Variants in SLC1A1 observed in about 807,000 individuals in gnomAD.
SLC1A1 encodes the protein excitatory amino acid transporter 3.
In SLC1A1, 43 loss-of-function variants were observed where a neutral mutation model predicts 53.3. The ratio of observed to expected loss-of-function variants is 0.81; its 90% CI spans 0.63 to 1.04. SLC1A1 has a LOEUF of 1.04. SLC1A1 is among the 50% of genes least tolerant of loss of function. The pLI is 0.00. For synonymous variants in SLC1A1, 307 were observed against 243.2 expected, an observed-to-expected ratio of 1.26 and a Z score of -2.44; for missense variants, 748 against 664.9, an observed-to-expected ratio of 1.12 and a Z score of -1.37.
At chr9:4,577,094 T>A (rs1426947303) in intron 10 of SLC1A1, among the ~76,000 whole-genome samples, 1 of 152,144 alleles carries the variant, frequency 6.6e-6, no homozygotes, top group Non-Finnish European at 1.5e-5. Context: ...AAATGAATGC[T>A]GAAGACCATG....
rs895661302 is a variant in SLC1A1, at chr9:4,503,605, G to C, written c.91+12835G>C. Among the ~76,000 whole-genome samples the C allele has an allele frequency of 1.5e-4, 23 of 151,840 alleles. 1 individual carries two copies. The highest frequency in any genetic ancestry group is 3.7e-4 in the African/African-American group (15 of 41,088). ...TTTCTGGGCTTGAAGACTGGAACGAGCAAGTCTGTATAAAGGTGATGATAC... is the reference window on the plus strand; with the variant it reads ...TTTCTGGGCTTGAAGACTGGAACGACCAAGTCTGTATAAAGGTGATGATAC... On this transcript the variant is annotated intron_variant, in intron 1 of 11. Coordinates refer to ENST00000262352, the MANE Select transcript of SLC1A1 (RefSeq NM_004170.6).
chr9:4,525,005 G>T (rs767412146), intron 1 of SLC1A1, among the ~76,000 whole-genome samples: 22 of 152,252 alleles, frequency 1.4e-4, no homozygotes, highest in Non-Finnish European at 2.9e-4. Flanking sequence ...CATGAGTTTT[G>T]CTGAGGACAA....
chr9:4,503,569 G>A (rs1428916907), intron 1 of SLC1A1, among the ~76,000 whole-genome samples: 1 of 151,790 alleles, frequency 6.6e-6, no homozygotes, highest in Non-Finnish European at 1.5e-5. Flanking sequence ...CCTTGAGCAG[G>A]TGTGGTAGGA....
At chr9:4,560,366 C>T (rs1311213240) in intron 2 of SLC1A1, among the ~76,000 whole-genome samples, 2 of 152,110 alleles carry the variant, frequency 1.3e-5, no homozygotes, top group Non-Finnish European at 2.9e-5. Context: ...TTAAAATTAT[C>T]CTCAGGGTGA....
At chr9:4,562,692 T>G (rs1819071860) in intron 3 of SLC1A1, among the ~76,000 whole-genome samples, 1 of 152,086 alleles carries the variant, frequency 6.6e-6, no homozygotes, top group Admixed American at 6.5e-5. Flanking sequence ...CTTGCAATAG[T>G]TTACTGAGAA....
chr9:4,512,292 T>A (rs1331203050), intron 1 of SLC1A1, among the ~76,000 whole-genome samples: 1 of 152,126 alleles, frequency 6.6e-6, no homozygotes, highest in Non-Finnish European at 1.5e-5. Flanking sequence ...GTGGGCAGAT[T>A]GCTTGAGCTC....
chr9:4,565,443 G>A (rs1218460372), intron 4 of SLC1A1, among the ~76,000 whole-genome samples: 2 of 152,160 alleles, frequency 1.3e-5, no homozygotes, highest in Non-Finnish European at 2.9e-5. Context: ...GGCTGGGGAG[G>A]CCTCAAGAAA....
intron 1 of SLC1A1, among the ~76,000 whole-genome samples, chr9:4,518,091 C>A (rs1262745801): frequency 4.0e-5 from 6 of 151,516 alleles, no homozygotes; most frequent in African/African-American, 7.3e-5. Context: ...AAAAACTTAG[C>A]CAAGCATGGT....
chr9:4,520,425 C>A (rs188931815), intron 1 of SLC1A1, among the ~76,000 whole-genome samples: 1 of 151,934 alleles, frequency 6.6e-6, no homozygotes, highest in African/African-American at 2.4e-5. Context: ...CTTTTTTCCC[C>A]GTTTTAAAAA....
At chr9:4,576,337 G>T (rs933193721) in intron 9 of SLC1A1, among the ~76,000 whole-genome samples, 1 of 152,228 alleles carries the variant, frequency 6.6e-6, no homozygotes, top group Admixed American at 6.5e-5. Flanking sequence ...AGGGGTTATG[G>T]AATAACTGGG....
intron 1 of SLC1A1, among the ~76,000 whole-genome samples, chr9:4,500,727 G>C (rs1179168669): frequency 6.6e-6 from 1 of 152,186 alleles, no homozygotes; most frequent in Non-Finnish European, 1.5e-5. Flanking sequence ...TCTGTTAATA[G>C]AAAGGAAGTG....
intron 2 of SLC1A1, among the ~76,000 whole-genome samples, chr9:4,557,763 C>T (rs1340869767): frequency 2.0e-5 from 3 of 152,170 alleles, no homozygotes; most frequent in Non-Finnish European, 2.9e-5. Context: ...ACGTTTCTAT[C>T]ATCAGGAAGC....
chr9:4,511,880 A>T (rs1369583683), intron 1 of SLC1A1, among the ~76,000 whole-genome samples: 1 of 152,246 alleles, frequency 6.6e-6, no homozygotes, highest in Non-Finnish European at 1.5e-5. Context: ...GGGCTGCAAG[A>T]TACAAGGTTA....
At chr9:4,541,370 A>G (rs1232926253) in intron 1 of SLC1A1, among the ~76,000 whole-genome samples, 2 of 152,236 alleles carry the variant, frequency 1.3e-5, no homozygotes, top group African/African-American at 4.8e-5. Flanking sequence ...AATATTTTCT[A>G]TACAAGCCTG....
chr9:4,510,922 G>A (rs959473350), intron 1 of SLC1A1, among the ~76,000 whole-genome samples: 1 of 152,190 alleles, frequency 6.6e-6, no homozygotes, highest in Non-Finnish European at 1.5e-5. Context: ...GAGTTAGAAG[G>A]TATGCTGTTC....
intron 1 of SLC1A1, among the ~76,000 whole-genome samples, chr9:4,533,739 T>A (rs199505367): frequency 3.3e-5 from 5 of 152,152 alleles, no homozygotes; most frequent in Middle Eastern, 3.4e-3. Context: ...AGAACTCTCC[T>A]CCCCAAATCA....
At chr9:4,560,081 G>C (rs759653668) in intron 2 of SLC1A1, 1 of 152,124 alleles carries the variant, frequency 6.6e-6, no homozygotes, top group Non-Finnish European at 1.5e-5. Flanking sequence ...CAATATGATC[G>C]TAAGTCTCTG....
At chr9:4,506,211 C>T (rs1179180767) in intron 1 of SLC1A1, among the ~76,000 whole-genome samples, 1 of 152,208 alleles carries the variant, frequency 6.6e-6, no homozygotes, top group East Asian at 1.9e-4. Context: ...CCTGCCTCAG[C>T]CTCCCAAAGT....
intron 2 of SLC1A1, chr9:4,560,034 T>A (rs1818783245): frequency 6.6e-6 from 1 of 152,238 alleles, no homozygotes; most frequent in African/African-American, 2.4e-5. Flanking sequence ...CTTAGTCATC[T>A]TACTGGTAGC....
Sources: allele counts gnomAD v4.1 joint callset (sites outside exome capture counted in the v4.1 genomes callset), GRCh38; gene constraint gnomAD v4.1.1; transcripts MANE v1.5; gene names NCBI Gene and HGNC (gene_info 2026-07-23, HGNC 2026-07-21).